The following MCRS1 variants were observed in gnomAD, a reference collection of about 807,000 sequenced individuals.
MCRS1 encodes the protein microspherule protein 1.
Under a neutral mutation model 62.9 loss-of-function variants are expected in MCRS1, and 22 were observed. The observed-to-expected ratio is 0.35, with a 90% CI of 0.25 to 0.50. The LOEUF (loss-of-function observed/expected upper bound fraction) is 0.50. Ranked by LOEUF, MCRS1 falls within the 20% of genes least tolerant of loss-of-function variation. The pLI, the probability that MCRS1 is intolerant of heterozygous loss-of-function variation, is 0.98. For missense variants in MCRS1, 456 were observed against 601.1 expected, an observed-to-expected ratio of 0.76 and a Z score of 2.52; for synonymous variants, 244 against 233.5, an observed-to-expected ratio of 1.04 and a Z score of -0.41.
chr12:49,562,294 A>C (rs753064892), intron 8 of MCRS1, among the ~76,000 whole-genome samples: 10 of 152,348 alleles, frequency 6.6e-5, no homozygotes, highest in Non-Finnish European at 8.8e-5. Context: ...TGTACTATGG[A>C]AATCAGAACC....
At chr12:49,560,034 G>A (rs551737883) in intron 9 of MCRS1, 67 bp from the exon 10 acceptor site, 1 of 1,598,366 alleles carries the variant, frequency 6.3e-7, no homozygotes, top group African/African-American at 1.3e-5. Context: ...GGCTCATTAG[G>A]GCATCCCTGA....
In MCRS1 at chr12:49,558,839, T is replaced by G; in HGVS notation, c.1302+4A>C. ...CTGGCCTTCCTGCCTCCTCCCCAGC[T>G]CACCTCCACCACAGAGTTGTTGCTG... is the stretch of plus-strand genomic sequence containing the variant. On this transcript the variant is annotated splice_donor_region_variant and intron_variant, in intron 14 of 14. Coordinates refer to ENST00000343810, the MANE Select transcript of MCRS1 (RefSeq NM_006337.5). The G allele has an allele frequency of 6.2e-7, 1 of 1,613,130 alleles. No individual in the cohort carries two copies. The highest frequency in any genetic ancestry group is 1.7e-5 in the Admixed American group (1 of 60,022).
At chr12:49,566,663 T>C (rs1939080649) in intron 2 of MCRS1, 59 bp downstream of exon 2, 5 of 1,609,988 alleles carry the variant, frequency 3.1e-6, no homozygotes, top group Non-Finnish European at 4.2e-6. Context: ...AGGCACAGAG[T>C]GGAATCAGCA....
chr12:49,561,639 T>C (rs566624577), intron 8 of MCRS1, among the ~76,000 whole-genome samples: 2 of 152,378 alleles, frequency 1.3e-5, no homozygotes, highest in East Asian at 3.9e-4. Flanking sequence ...TTTTCTTTTT[T>C]CTTTTTTTGA....
Position 49,566,179 on chromosome 12 carries a change from G to A in MCRS1, c.47C>T (p.Ser16Leu), listed in dbSNP as rs202083682. Reference protein sequence around the residue: ...QGLLDSSLMASGTASRSEDEE... With the variant: ...QGLLDSSLMALGTASRSEDEE... ...ATCCTCTGAGCGGCTGGCAGTGCCT[G>A]ATGCCATCAGGGATGAATCTAGCAG... Residue 16 changes from serine (S) to leucine (L), a missense_variant, in exon 3 of 15, where the codon TCA (serine) becomes TTA (leucine). Around this residue, in one of 3 missense-constraint regions of MCRS1, gnomAD observed 55 missense variants for 49.3 expected, o/e 1.12. Transcript: ENST00000343810. 37 of 1,614,092 alleles carry A rather than the reference G, an allele frequency of 2.3e-5. No homozygotes were observed. Among genetic ancestry groups the A allele is most frequent in the Middle Eastern group, 1.6e-4 (1 of 6,062 alleles).
In MCRS1 at chr12:49,559,452, C is replaced by A; in HGVS notation, c.1086+1G>T. The A allele has an allele frequency of 6.2e-7, 1 of 1,613,934 alleles. No individual in the cohort carries two copies. The highest frequency in any genetic ancestry group is 8.5e-7 in the Non-Finnish European group (1 of 1,180,042). On this transcript the variant is annotated splice_donor_variant, in intron 12 of 14. Coordinates refer to ENST00000343810, the MANE Select transcript of MCRS1 (RefSeq NM_006337.5). LOFTEE classifies it high-confidence loss of function. The surrounding 1 kb of genome is among the most constrained non-coding windows in gnomAD (Gnocchi z 5.2). ...GAAGGGCGGGGATGGGCCTGCCTCA[C>A]CTCACGCGAGCGCATCAGGTACCGC... is the stretch of plus-strand genomic sequence containing the variant.
intron 1 of MCRS1, 29 bp from the exon 2 acceptor site, chr12:49,566,870 G>T (rs1939092316): frequency 8.4e-7 from 1 of 1,197,070 alleles, no homozygotes; most frequent in African/African-American, 1.5e-5. Context: ...GCTCCCTGAG[G>T]CTCAGATTTC....
chr12:49,560,344 C>T lies in MCRS1; in HGVS notation c.832G>A (p.Val278Met). ...TVQPLPKGDQ[V>M]LNFSDAEDLI... ...TCCTCTGCATCAGAGAAGTTCAGCA[C>T]TTGGTCCCCTTTGGGCAGCGGCTGC... Residue 278 changes from valine (V) to methionine (M), a missense_variant, in exon 9 of 15, where the codon GTG becomes ATG. Physicochemically the swap from Val to Met is conservative, Grantham distance 21 (BLOSUM62 1). Coordinates refer to ENST00000343810, the MANE Select transcript of MCRS1 (RefSeq NM_006337.5). The T allele has an allele frequency of 6.2e-7, 1 of 1,614,226 alleles. No individual in the cohort carries two copies. The highest frequency in any genetic ancestry group is 8.5e-7 in the Non-Finnish European group (1 of 1,180,030).
In MCRS1 at chr12:49,559,573, G is replaced by C; in HGVS notation, c.1004-38C>G. On this transcript the variant is annotated intron_variant, in intron 11 of 14. Transcript: ENST00000343810. The surrounding 1 kb of genome is among the most constrained non-coding windows in gnomAD (Gnocchi z 5.2). ...GGAGTTTGGAAGAGCCTACCCCTGA[G>C]GGCCAGAATGCAAGGCAGGGAACCA... 6.2e-7 allele frequency: 1 copy of C among 1,604,480 alleles called. No individual in the cohort carries two copies. Among genetic ancestry groups the C allele is most frequent in the Non-Finnish European group, 8.5e-7 (1 of 1,177,448 alleles).
chr12:49,565,141 C>T (rs1356188365), intron 4 of MCRS1: 8 of 985,320 alleles, frequency 8.1e-6, no homozygotes, highest in Non-Finnish European at 9.6e-6. Flanking sequence ...GTATCCCCGA[C>T]CCCAGAGTGA....
intron 3 of MCRS1, 33 bp from the exon 4 acceptor site, chr12:49,565,700 A>C (rs959224796): frequency 2.5e-6 from 4 of 1,613,498 alleles, no homozygotes; most frequent in Non-Finnish European, 3.4e-6. Flanking sequence ...AACACTCCTT[A>C]CCCCACCCTG....
chr12:49,565,037 C>G (rs948499706), intron 4 of MCRS1, 142 bp from the exon 5 acceptor site: 1 of 1,405,392 alleles, frequency 7.1e-7, no homozygotes, highest in Non-Finnish European at 9.3e-7. Context: ...ACAGGAAGCA[C>G]AGGAAAGGAG....
Position 49,558,400 on chromosome 12 carries a change from G to A in MCRS1, c.*243C>T, listed in dbSNP as rs1167414254. ...ACAGGAGTGAAGGTGGCAATGGGGG[G>A]TAGGGTTGTTTTTAGAGAGAGGAAG... On this transcript the variant is annotated 3_prime_UTR_variant, in exon 15 of 15. Coordinates refer to ENST00000343810, the MANE Select transcript of MCRS1 (RefSeq NM_006337.5). 1.8e-5 allele frequency: 10 copies of A among 540,916 alleles called. No individual in the cohort carries two copies. In the East Asian group the frequency reaches 2.6e-4, roughly 14 times the overall value. The allele number at this position is 540,916 out of a possible 1,614,324, so 33.5% of individuals were successfully genotyped here. A position where few individuals can be genotyped will look rare whatever the true frequency, so the allele number is the denominator to read the frequency against.
chr12:49,560,927 G>GAATGTT lies in MCRS1; in HGVS notation c.806-558_806-557insAACATT, dbSNP rs1479597445. On this transcript the variant is annotated intron_variant, in intron 8 of 14. Coordinates refer to ENST00000343810, the MANE Select transcript of MCRS1 (RefSeq NM_006337.5). ...TTAAGCCAATGTCTCTTGATCTGGGGTCATGACCTGCTAATGGGTCATGAA... is the reference window on the plus strand; with the variant it reads ...TTAAGCCAATGTCTCTTGATCTGGGGAATGTTTCATGACCTGCTAATGGGTCATGAA... Among the ~76,000 whole-genome samples the GAATGTT allele has an allele frequency of 4.6e-5, 7 of 152,176 alleles. No homozygotes were observed. The East Asian group carries it at 1.3e-3, about 29-fold the overall frequency.
chr12:49,562,877 A>G, intron 8 of MCRS1, 124 bp downstream of exon 8: 3 of 1,290,628 alleles, frequency 2.3e-6, no homozygotes, highest in Non-Finnish European at 3.1e-6. Flanking sequence ...TGAGGTGAAC[A>G]AGACACTGGG....
At chr12:49,564,926 A>G in intron 4 of MCRS1, 31 bp from the exon 5 acceptor site, 1 of 1,531,292 alleles carries the variant, frequency 6.5e-7, no homozygotes, top group Non-Finnish European at 8.8e-7. Context: ...AACCAAGCTC[A>G]AAGCCAGCAT....
At chr12:49,566,939 G>A (rs1939095449) in intron 1 of MCRS1, 98 bp from the exon 2 acceptor site, 1 of 639,270 alleles carries the variant, frequency 1.6e-6, no homozygotes, top group East Asian at 2.8e-5. Flanking sequence ...CCATAAGCTA[G>A]GGAAGACATA....
In MCRS1 at chr12:49,559,295, G is replaced by C; in HGVS notation, c.1093C>G (p.Leu365Val). The change falls in exon 13 of 15, where the codon CTG (leucine) becomes GTG (valine). Residue 365 changes from leucine to valine, a missense_variant. Leu to Val is a conservative substitution (Grantham distance 32, BLOSUM62 1). This residue lies in a region of MCRS1 where 393 missense variants were observed against 523.5 expected (regional missense o/e 0.75). Coordinates refer to ENST00000343810, the MANE Select transcript of MCRS1 (RefSeq NM_006337.5). This position sits in a 1 kb window ranked among gnomAD's most constrained non-coding sequence, Gnocchi z 5.2. Reference sequence around the variant, plus strand: ...TGGTTATCCTTGGTTGCTCTGCCCAGGGTGATCTGGGGAAATGGGGCAGGT... The same window carrying C: ...TGGTTATCCTTGGTTGCTCTGCCCACGGTGATCTGGGGAAATGGGGCAGGT... ...RYLMRSREIT[L>V]GRATKDNQID... is the part of the protein sequence containing the mutation. The C allele has an allele frequency of 6.2e-7, 1 of 1,614,152 alleles. No homozygotes were observed. Among genetic ancestry groups the C allele is most frequent in the South Asian group, 1.1e-5 (1 of 91,082 alleles).
chr12:49,559,358 T>C lies in MCRS1; in HGVS notation c.1087-57A>G, dbSNP rs1030765111. The stretch of plus-strand genomic sequence containing the variant: ...CTGAAGAATTGGGGGAGTAGGTCTA[T>C]GCAGGCCAGAGAAAGATGGGAAACC... On this transcript the variant is annotated intron_variant, in intron 12 of 14. Transcript: ENST00000343810. The surrounding 1 kb of genome is among the most constrained non-coding windows in gnomAD (Gnocchi z 5.2). 7 of 1,606,980 alleles carry C rather than the reference T, an allele frequency of 4.4e-6. No individual in the cohort carries two copies. The highest frequency in any genetic ancestry group is 6.0e-6 in the Non-Finnish European group (7 of 1,173,648).
Sources: allele counts gnomAD v4.1 joint callset (sites outside exome capture counted in the v4.1 genomes callset), GRCh38; gene constraint gnomAD v4.1.1; regional missense constraint gnomAD v4.1.1; non-coding constraint Gnocchi (gnomAD v3.1); transcripts MANE v1.5; gene names NCBI Gene and HGNC (gene_info 2026-07-23, HGNC 2026-07-21).